The following ADK variants were observed in gnomAD, a reference collection of about 807,000 sequenced individuals.
The protein encoded by ADK is N6,N6-dimethyladenosine kinase.
Under a neutral mutation model 44.7 loss-of-function variants are expected in ADK, and 24 were observed. The observed-to-expected ratio is 0.54, with a 90% CI of 0.39 to 0.76. ADK has a LOEUF of 0.76. Ranked by LOEUF, ADK falls within the 30% of genes least tolerant of loss-of-function variation. The pLI, the probability that ADK is intolerant of heterozygous loss-of-function variation, is 0.00. For synonymous variants in ADK, 128 were observed against 142.6 expected (o/e 0.90, Z 0.73); for missense variants, 321 against 425.1 (o/e 0.76, Z 2.15).
chr10:74,483,261 T>A (rs993729815), intron 6 of ADK, among the ~76,000 whole-genome samples: 1 of 152,194 alleles, frequency 6.6e-6, no homozygotes, highest in Admixed American at 6.5e-5. Flanking sequence ...GCTTGCACCC[T>A]CTGGAGCAGT....
chr10:74,291,816 AATG>A, intron 3 of ADK, among the ~76,000 whole-genome samples: 1 of 151,680 alleles, frequency 6.6e-6, no homozygotes, highest in East Asian at 1.9e-4. Context: ...TGTGTATCAT[AATG>A]ATTTCACGCT....
intron 6 of ADK, among the ~76,000 whole-genome samples, chr10:74,519,473 T>C (rs977394231): frequency 2.9e-4 from 44 of 151,998 alleles, no homozygotes; most frequent in African/African-American, 1.0e-3. Flanking sequence ...GTAGTGAGCT[T>C]TAGAGTATAT....
intron 1 of ADK, among the ~76,000 whole-genome samples, chr10:74,192,491 G>T (rs1242917853): frequency 6.6e-6 from 1 of 151,024 alleles, no homozygotes; most frequent in African/African-American, 2.4e-5. Flanking sequence ...CTCCCAAAGT[G>T]CTGGGATTAC....
chr10:74,516,708 G>A (rs775751128), intron 6 of ADK: 10 of 152,140 alleles, frequency 6.6e-5, no homozygotes, highest in Non-Finnish European at 1.0e-4. Flanking sequence ...ATTTTTGGTA[G>A]AGACGGGAGC....
intron 6 of ADK, among the ~76,000 whole-genome samples, chr10:74,453,904 C>G (rs1224655396): frequency 1.3e-5 from 2 of 152,080 alleles, no homozygotes; most frequent in East Asian, 3.9e-4. Flanking sequence ...TTAGTAATTG[C>G]TAAAAAATTC....
At chr10:74,613,964 A>T (rs1375470654) in intron 9 of ADK, among the ~76,000 whole-genome samples, 1 of 152,132 alleles carries the variant, frequency 6.6e-6, no homozygotes, top group African/African-American at 2.4e-5. Flanking sequence ...CATAGAAAAA[A>T]GTTCTTACCA....
chr10:74,453,790 A>G (rs1290616343), intron 6 of ADK, among the ~76,000 whole-genome samples: 1 of 152,046 alleles, frequency 6.6e-6, no homozygotes, highest in Non-Finnish European at 1.5e-5. Flanking sequence ...GGACTAATGA[A>G]ATTTTTGGTT....
intron 6 of ADK, among the ~76,000 whole-genome samples, chr10:74,493,712 A>G (rs1847576985): frequency 1.3e-5 from 2 of 152,032 alleles, no homozygotes; most frequent in African/African-American, 2.4e-5. Flanking sequence ...TATAATTTTT[A>G]TTATGCTAGT....
At chr10:74,403,490 T>G (rs1243429808) in intron 6 of ADK, among the ~76,000 whole-genome samples, 2 of 152,072 alleles carry the variant, frequency 1.3e-5, no homozygotes, top group Non-Finnish European at 2.9e-5. Flanking sequence ...GTTGATCTGA[T>G]AGCGGACTGC....
At chr10:74,473,175 CACAT>C (rs1416988289) in intron 6 of ADK, among the ~76,000 whole-genome samples, 1 of 119,832 alleles carries the variant, frequency 8.3e-6, no homozygotes, top group Non-Finnish European at 1.9e-5. Flanking sequence ...TATATACACA[CACAT>C]ACATATACAC....
At chr10:74,393,067 G>T (rs1377358371) in intron 4 of ADK, among the ~76,000 whole-genome samples, 2 of 152,080 alleles carry the variant, frequency 1.3e-5, no homozygotes, top group East Asian at 3.8e-4. Flanking sequence ...GTAGAAGTGG[G>T]ATTGCTGGTC....
intron 4 of ADK, among the ~76,000 whole-genome samples, chr10:74,392,362 A>G (rs545354489): frequency 8.8e-4 from 134 of 152,212 alleles, no homozygotes; most frequent in African/African-American, 3.2e-3. Context: ...CATCCTGATC[A>G]GTGTGAAGTG....
rs781407492 is a variant in ADK at position 74,595,176 on chromosome 10, C to CAAA, written c.763-5184_763-5182dup. Among the ~76,000 whole-genome samples the CAAA allele has an allele frequency of 1.6e-3, 48 of 29,564 alleles. 2 individuals carry two copies. Among genetic ancestry groups the CAAA allele is most frequent in the African/African-American group, 4.1e-3 (32 of 7,814 alleles). 19.4% of individuals were successfully genotyped at this position (29,564 alleles called of 152,430 possible). A position where few individuals can be genotyped will look rare whatever the true frequency, so the allele number is the denominator to read the frequency against. On this transcript the variant is annotated intron_variant, in intron 8 of 10. Coordinates refer to ENST00000539909, the MANE Select transcript of ADK (RefSeq NM_006721.4). ...GGGCAACAAGAGCCAAACTCCATCT[C>CAAA]AAAAAAAAAAAAAAAAAAAAAGGCT...
intron 1 of ADK, among the ~76,000 whole-genome samples, chr10:74,189,843 T>C (rs532499121): frequency 2.0e-5 from 3 of 152,164 alleles, no homozygotes; most frequent in African/African-American, 4.8e-5. Context: ...TGGAATCATA[T>C]AATATTTGGC....
chr10:74,210,889 A>C (rs1222189809), intron 2 of ADK, among the ~76,000 whole-genome samples: 1 of 151,888 alleles, frequency 6.6e-6, no homozygotes, highest in Non-Finnish European at 1.5e-5. Flanking sequence ...TTTTGTAGTT[A>C]ATTTTTTTTT....
At position 74,351,277 on chromosome 10, in the gene ADK, A is replaced by G. The variant is rs568157107; in HGVS notation, c.273+36532A>G. ...AAGGCTGGTTCAACATACGCAAATCAATAAACGTAATCTATCACATAAACA... is the reference window on the plus strand; with the variant it reads ...AAGGCTGGTTCAACATACGCAAATCGATAAACGTAATCTATCACATAAACA... On this transcript the variant is annotated intron_variant, in intron 4 of 10. Coordinates refer to ENST00000539909, the MANE Select transcript of ADK (RefSeq NM_006721.4). Among the ~76,000 whole-genome samples, 30 of 152,350 alleles carry G rather than the reference A, an allele frequency of 2.0e-4. 1 individual carries two copies. In the South Asian group the frequency reaches 6.2e-3, roughly 32 times the overall value.
chr10:74,273,707 C>T (rs1846535859), intron 3 of ADK, among the ~76,000 whole-genome samples: 1 of 152,188 alleles, frequency 6.6e-6, no homozygotes, highest in Non-Finnish European at 1.5e-5. Flanking sequence ...ATCCACCCGC[C>T]TCGGCCTCCC....
At chr10:74,640,611 C>T (rs1853808097) in intron 9 of ADK, among the ~76,000 whole-genome samples, 1 of 152,168 alleles carries the variant, frequency 6.6e-6, no homozygotes, top group Non-Finnish European at 1.5e-5. Flanking sequence ...CAGGAATCGG[C>T]AAACTTTTTA....
intron 3 of ADK, among the ~76,000 whole-genome samples, chr10:74,309,738 G>A (rs1840372837): frequency 6.6e-6 from 1 of 152,090 alleles, no homozygotes; most frequent in Admixed American, 6.6e-5. Context: ...TCCTAGACCT[G>A]TGTTTTAGAC....
Sources: gnomAD v4.1 joint callset for allele counts (sites outside exome capture counted in the v4.1 genomes callset) on GRCh38, gnomAD v4.1.1 for gene constraint, MANE v1.5 for transcripts, NCBI Gene and HGNC (gene_info 2026-07-23, HGNC 2026-07-21) for gene names.